Variants in SPATS2L observed in about 807,000 individuals in gnomAD.
SPATS2L encodes spermatogenesis associated serine rich 2 like.
SPATS2L carries 30 observed loss-of-function variants against 59.6 expected under a neutral mutation model. The ratio of observed to expected loss-of-function variants is 0.50; its 90% CI spans 0.38 to 0.68. SPATS2L has a LOEUF of 0.68. SPATS2L is among the 30% of genes least tolerant of loss of function. SPATS2L has a pLI of 0.00. For missense variants in SPATS2L, 615 were observed against 700.0 expected, an observed-to-expected ratio of 0.88 and a Z score of 1.37; for synonymous variants, 252 against 263.5, an observed-to-expected ratio of 0.96 and a Z score of 0.42.
intron 10 of SPATS2L, among the ~76,000 whole-genome samples, chr2:200,467,861 T>C (rs932883016): frequency 2.6e-5 from 4 of 152,184 alleles, no homozygotes; most frequent in African/African-American, 9.7e-5. Context: ...GTTGCATTTT[T>C]ATTAAGAATA....
At chr2:200,385,854 A>G (rs1426910890) in intron 2 of SPATS2L, among the ~76,000 whole-genome samples, 5 of 151,990 alleles carry the variant, frequency 3.3e-5, no homozygotes, top group South Asian at 2.1e-4. Flanking sequence ...CACCACACCC[A>G]GCTAATTTTT....
chr2:200,379,458 C>T (rs1352997636), intron 2 of SPATS2L, among the ~76,000 whole-genome samples: 2 of 152,144 alleles, frequency 1.3e-5, no homozygotes, highest in Non-Finnish European at 2.9e-5. Flanking sequence ...GACCCTGGTG[C>T]ATTGTCGGTG....
intron 2 of SPATS2L, chr2:200,383,895 A>G (rs2081906400): frequency 1.0e-6 from 1 of 1,001,724 alleles, no homozygotes; most frequent in Non-Finnish European, 1.2e-6. Flanking sequence ...ATACCCAAGA[A>G]CAGGAAAGTA....
intron 6 of SPATS2L, among the ~76,000 whole-genome samples, chr2:200,426,419 G>A (rs749284267): frequency 6.6e-6 from 1 of 152,148 alleles, no homozygotes; most frequent in Non-Finnish European, 1.5e-5. Context: ...ACTATCATAT[G>A]AGCATGCATT....
intron 1 of SPATS2L, among the ~76,000 whole-genome samples, chr2:200,321,238 A>T (rs1175983211): frequency 6.6e-6 from 1 of 152,116 alleles, no homozygotes; most frequent in Non-Finnish European, 1.5e-5. Context: ...AATCAGCATG[A>T]CATAGTCGGT....
intron 8 of SPATS2L, among the ~76,000 whole-genome samples, chr2:200,451,308 C>G (rs566312947): frequency 6.6e-6 from 1 of 152,064 alleles, no homozygotes; most frequent in East Asian, 1.9e-4. Flanking sequence ...ACCTGGGCAA[C>G]AGAGCCAGAC....
chr2:200,306,532 CGAGA>C (rs1181288378), upstream of SPATS2L: 1 of 1,002,106 alleles, frequency 1.0e-6, no homozygotes, highest in African/African-American at 1.7e-5. Context: ...ATACAAAACC[CGAGA>C]GAGGCGTGAG....
intron 2 of SPATS2L, among the ~76,000 whole-genome samples, chr2:200,335,336 C>G (rs752011630): frequency 1.3e-5 from 2 of 151,626 alleles, no homozygotes; most frequent in Non-Finnish European, 2.9e-5. Flanking sequence ...CGAGATTGCG[C>G]CACTACACTC....
At chr2:200,440,597 A>G in intron 7 of SPATS2L, 52 bp from the exon 8 acceptor site, 1 of 1,568,382 alleles carries the variant, frequency 6.4e-7, no homozygotes, top group East Asian at 2.3e-5. Context: ...TTTAGCTTAC[A>G]AACAAAGGAT....
At chr2:200,346,882 C>T (rs3769466) in intron 2 of SPATS2L, among the ~76,000 whole-genome samples, 24,757 of 151,976 alleles carry the variant, frequency 0.16, 2,586 homozygotes, top group South Asian at 0.36. Flanking sequence ...TTTTTAACAA[C>T]ACTTTTTCAG....
chr2:200,418,818 C>T (rs376483479), intron 5 of SPATS2L, among the ~76,000 whole-genome samples: 16 of 152,038 alleles, frequency 1.1e-4, no homozygotes, highest in Admixed American at 5.2e-4. Flanking sequence ...CTCCTTCTGC[C>T]GAGCAGATGG....
At chr2:200,385,673 ACTAT>A (rs2081966811) in intron 2 of SPATS2L, among the ~76,000 whole-genome samples, 1 of 151,576 alleles carries the variant, frequency 6.6e-6, no homozygotes. Context: ...ACCCAATTTG[ACTAT>A]CTAGTCACTT....
chr2:200,388,410 A>C (rs1334614342), intron 2 of SPATS2L, among the ~76,000 whole-genome samples: 1 of 152,090 alleles, frequency 6.6e-6, no homozygotes, highest in East Asian at 1.9e-4. Context: ...TGTCTCTACA[A>C]AAAATACAAA....
chr2:200,367,196 G>A (rs1004472182), intron 2 of SPATS2L, among the ~76,000 whole-genome samples: 5 of 152,084 alleles, frequency 3.3e-5, no homozygotes, highest in African/African-American at 1.2e-4. Context: ...TTATCTTTGG[G>A]CAAAAACTGT....
At chr2:200,423,236 A>C (rs1341382560) in intron 6 of SPATS2L, among the ~76,000 whole-genome samples, 1 of 152,238 alleles carries the variant, frequency 6.6e-6, no homozygotes, top group Non-Finnish European at 1.5e-5. Flanking sequence ...TATTGTAGTT[A>C]GATTTTCCTG....
chr2:200,412,597 C>A (rs1176391531), intron 4 of SPATS2L, among the ~76,000 whole-genome samples, 178 bp downstream of exon 4: 11 of 115,090 alleles, frequency 9.6e-5, no homozygotes, highest in African/African-American at 3.4e-4. Context: ...CAGAGTGAGA[C>A]CCCATCTCAA....
chr2:200,466,612 C>T (rs1219372827), intron 9 of SPATS2L, among the ~76,000 whole-genome samples: 2 of 152,208 alleles, frequency 1.3e-5, no homozygotes, highest in African/African-American at 4.8e-5. Context: ...AAAATTCACA[C>T]GAATCTAGTT....
chr2:200,369,401 C>T (rs1011124008), intron 2 of SPATS2L, among the ~76,000 whole-genome samples: 7 of 152,018 alleles, frequency 4.6e-5, no homozygotes, highest in South Asian at 2.1e-4. Context: ...TTAAGTGATC[C>T]GCCCACCTTG....
intron 1 of SPATS2L, among the ~76,000 whole-genome samples, chr2:200,320,358 T>G (rs563568493): frequency 6.6e-6 from 1 of 152,322 alleles, no homozygotes; most frequent in Non-Finnish European, 1.5e-5. Context: ...AGAAAATAAT[T>G]TTGTAAAATA....
Sources: allele counts gnomAD v4.1 joint callset (sites outside exome capture counted in the v4.1 genomes callset), GRCh38; gene constraint gnomAD v4.1.1; transcripts MANE v1.5; gene names NCBI Gene and HGNC (gene_info 2026-07-23, HGNC 2026-07-21).